The following CSMD1 variants were observed in gnomAD, a reference collection of about 807,000 sequenced individuals.
CSMD1 encodes the protein CUB and sushi domain-containing protein 1.
In CSMD1, 213 loss-of-function variants were observed where a neutral mutation model predicts 417.5. The ratio of observed to expected loss-of-function variants is 0.51; its 90% confidence interval spans 0.46 to 0.57. The LOEUF is 0.57. Ranked by LOEUF, CSMD1 falls within the 20% of genes least tolerant of loss-of-function variation. The probability of loss-of-function intolerance (pLI) is 0.00; values close to 1 mark genes in which losing one functional copy is unlikely to be tolerated. For missense variants in CSMD1, 6,923 were observed against 4,529.7 expected (o/e 1.53, Z -15.17); for synonymous variants, 2,862 against 1,736.8 (o/e 1.65, Z -16.11).
chr8:4,229,392 G>A (rs957637222), intron 3 of CSMD1, among the ~76,000 whole-genome samples: 8 of 152,154 alleles, frequency 5.3e-5, no homozygotes, highest in African/African-American at 1.4e-4. Flanking sequence ...GATTCTCTTA[G>A]ATCACAAGCT....
At chr8:4,151,906 A>T (rs898791982) in intron 3 of CSMD1, among the ~76,000 whole-genome samples, 5 of 152,274 alleles carry the variant, frequency 3.3e-5, no homozygotes, top group African/African-American at 9.6e-5. Context: ...AGAGAAGTCC[A>T]TTTGTCTATC....
chr8:3,028,577 G>C (rs994442039), intron 51 of CSMD1, among the ~76,000 whole-genome samples: 3 of 152,160 alleles, frequency 2.0e-5, no homozygotes, highest in African/African-American at 7.2e-5. Flanking sequence ...TCCTGGTGAA[G>C]AGCTTGTGGT....
intron 12 of CSMD1, among the ~76,000 whole-genome samples, chr8:3,416,182 T>TAG (rs1813135542): frequency 1.3e-5 from 2 of 151,028 alleles, no homozygotes; most frequent in Non-Finnish European, 2.9e-5. Flanking sequence ...GCGCCTGTAA[T>TAG]TCCCAGCTAC....
At chr8:3,026,214 C>A (rs140145203) in intron 51 of CSMD1, among the ~76,000 whole-genome samples, 3 of 152,066 alleles carry the variant, frequency 2.0e-5, no homozygotes, top group Non-Finnish European at 4.4e-5. Context: ...GGACAGAGGG[C>A]CAGGAGCTTA....
intron 3 of CSMD1, among the ~76,000 whole-genome samples, chr8:4,389,599 T>A (rs1369099246): frequency 6.6e-6 from 1 of 152,196 alleles, no homozygotes; most frequent in African/African-American, 2.4e-5. Context: ...ACATTTCAAG[T>A]GAAGTCAAAC....
At chr8:4,645,444 CAAAAAAAAAAAAA>C (rs549511320) in intron 1 of CSMD1, among the ~76,000 whole-genome samples, 1 of 36,850 alleles carries the variant, frequency 2.7e-5, no homozygotes, top group Admixed American at 5.5e-4. Context: ...AGTGCAGGGG[CAAAAAAAAAAAAA>C]AAAAAAAAAA....
intron 10 of CSMD1, among the ~76,000 whole-genome samples, chr8:3,533,143 G>A (rs560524140): frequency 1.5e-4 from 23 of 152,190 alleles, no homozygotes; most frequent in African/African-American, 5.3e-4. Flanking sequence ...TTTTGCAGAG[G>A]AAGAAATTTA....
At chr8:3,993,685 T>C (rs1814933092) in intron 5 of CSMD1, among the ~76,000 whole-genome samples, 1 of 152,196 alleles carries the variant, frequency 6.6e-6, no homozygotes, top group African/African-American at 2.4e-5. Flanking sequence ...TAAAAAATCA[T>C]AAAGTAACAG....
chr8:4,610,408 G>A (rs1801109391), intron 2 of CSMD1, among the ~76,000 whole-genome samples: 1 of 152,140 alleles, frequency 6.6e-6, no homozygotes, highest in African/African-American at 2.4e-5. Context: ...TCAAATATAT[G>A]TTCTTTTTAT....
chr8:4,016,999 A>T (rs2554599), intron 4 of CSMD1, among the ~76,000 whole-genome samples: 4 of 152,046 alleles, frequency 2.6e-5, no homozygotes, highest in Admixed American at 6.5e-5. Context: ...CAATAACAGA[A>T]ATCATAGAAG....
At chr8:3,505,987 A>C (rs1585269812) in intron 10 of CSMD1, among the ~76,000 whole-genome samples, 2 of 152,226 alleles carry the variant, frequency 1.3e-5, no homozygotes, top group African/African-American at 2.4e-5. Context: ...GTGGATAAAA[A>C]TACACGTATG....
At chr8:4,613,179 C>T (rs552705507) in intron 2 of CSMD1, among the ~76,000 whole-genome samples, 2 of 152,276 alleles carry the variant, frequency 1.3e-5, no homozygotes, top group African/African-American at 4.8e-5. Flanking sequence ...AATTCTAATT[C>T]ATTTAAATAA....
intron 5 of CSMD1, among the ~76,000 whole-genome samples, chr8:3,973,987 T>C (rs1177257170): frequency 1.3e-5 from 2 of 152,294 alleles, no homozygotes; most frequent in South Asian, 2.1e-4. Context: ...ATCCATTGAG[T>C]TGCAAACAAT....
chr8:3,315,059 AT>A (rs1164133060), intron 23 of CSMD1, among the ~76,000 whole-genome samples: 1 of 152,190 alleles, frequency 6.6e-6, no homozygotes, highest in African/African-American at 2.4e-5. Flanking sequence ...AGCTTGAAGT[AT>A]TTACAAAAAC....
chr8:3,705,966 C>G lies in CSMD1; in HGVS notation c.1009+2448G>C, dbSNP rs151266336. 4.9e-3 allele frequency among the ~76,000 whole-genome samples: 740 copies of G among 152,304 alleles called. 10 individuals carry two copies. Among genetic ancestry groups the G allele is most frequent in the African/African-American group, 0.017 (704 of 41,572 alleles). ...CCAGTGTCACCTTGGGTATCAAGAACGTAAAGCACTTTCATACTCAGTCTC... is the reference window on the plus strand; with the variant it reads ...CCAGTGTCACCTTGGGTATCAAGAAGGTAAAGCACTTTCATACTCAGTCTC... On this transcript the variant is annotated intron_variant, in intron 7 of 69. Transcript: ENST00000635120.
chr8:2,980,850 T>C (rs1240978133), intron 54 of CSMD1, among the ~76,000 whole-genome samples: 2 of 152,232 alleles, frequency 1.3e-5, no homozygotes, highest in African/African-American at 2.4e-5. Flanking sequence ...CCTAAGTTCC[T>C]ACCCTTTCCT....
At chr8:4,909,360 T>C (rs549206390) in intron 1 of CSMD1, among the ~76,000 whole-genome samples, 26 of 152,278 alleles carry the variant, frequency 1.7e-4, no homozygotes, top group Non-Finnish European at 3.1e-4. Flanking sequence ...TTTCCAGTTA[T>C]AGAAATCCCA....
At chr8:4,050,282 G>A (rs1357545867) in intron 3 of CSMD1, among the ~76,000 whole-genome samples, 1 of 152,134 alleles carries the variant, frequency 6.6e-6, no homozygotes, top group African/African-American at 2.4e-5. Context: ...CTTTGGAAGG[G>A]AGGAACTATG....
chr8:3,966,440 C>G (rs909285432), intron 5 of CSMD1, among the ~76,000 whole-genome samples: 1 of 151,920 alleles, frequency 6.6e-6, no homozygotes, highest in Non-Finnish European at 1.5e-5. Context: ...ATATAATTAC[C>G]TACATATATT....
Sources: gnomAD v4.1 joint callset for allele counts (sites outside exome capture counted in the v4.1 genomes callset) on GRCh38, gnomAD v4.1.1 for gene constraint, MANE v1.5 for transcripts, NCBI Gene and HGNC (gene_info 2026-07-23, HGNC 2026-07-21) for gene names.